The following OVCH2 variants were observed in gnomAD, a reference collection of about 807,000 sequenced individuals.
OVCH2 encodes ovochymase-2.
OVCH2 carries 88 observed loss-of-function variants against 73.7 expected under a neutral mutation model. The observed-to-expected ratio is 1.19, with a 90% CI of 1.01 to 1.43. The LOEUF is 1.43. Ranked by LOEUF, OVCH2 falls within the 40% of genes most tolerant of loss-of-function variation. OVCH2 has a pLI of 0.00. For missense variants in OVCH2, 706 were observed against 674.5 expected (o/e 1.05, Z -0.52); for synonymous variants, 265 against 234.5 (o/e 1.13, Z -1.19).
chr11:7,697,094 T>A, intron 8 of OVCH2: 1 of 380,790 alleles, frequency 2.6e-6, no homozygotes, highest in South Asian at 3.4e-5. Flanking sequence ...TGGAGTGCAG[T>A]GGCACGATCA....
chr11:7,689,888 C>A (rs1176774879), intron 15 of OVCH2, 36 bp downstream of exon 15: 1 of 1,234,256 alleles, frequency 8.1e-7, no homozygotes, highest in East Asian at 2.5e-5. Flanking sequence ...CTGGATTATA[C>A]TCTGTGTGTA....
chr11:7,691,531 T>A, intron 13 of OVCH2, 131 bp from the exon 14 acceptor site: 1 of 1,250,938 alleles, frequency 8.0e-7, no homozygotes, highest in East Asian at 2.6e-5. Flanking sequence ...ATTCATTTTC[T>A]AAATAAAGGC....
In OVCH2 at chr11:7,698,764, C is replaced by G. The variant is rs1856380936; in HGVS notation, c.911G>C (p.Arg304Thr). 6.2e-7 allele frequency: 1 copy of G among 1,612,592 alleles called. No individual in the cohort carries two copies. ...GGGATACCCACCTCTGGAGCTCTTT[C>G]TCCGATTACCTGGGAAAGGAAAAGA... Reference protein sequence around the residue: ...IHEHIQTGNRRKSSRAWCSEQ... With the variant: ...IHEHIQTGNRTKSSRAWCSEQ... Residue 304 changes from arginine (R) to threonine (T), a missense_variant, in exon 8 of 16, where the codon AGA becomes ACA. By Grantham distance (71) the Arg-to-Thr change is moderately conservative. Transcript: ENST00000533663.
rs1417391900 is a variant in OVCH2 at position 7,701,305 on chromosome 11, C to A, written c.711+19G>T. 3.3e-5 allele frequency: 52 copies of A among 1,594,240 alleles called. No homozygotes were observed. Among genetic ancestry groups the A allele is most frequent in the Non-Finnish European group, 4.3e-5 (50 of 1,173,742 alleles). On this transcript the variant is annotated intron_variant, in intron 6 of 15. Transcript: ENST00000533663. ...GGAATCCTTGCCTGGGGCCTGACAG[C>A]CCCGCAGCTCCCACCCACCTGACAT...
the OVCH2 span, among the ~76,000 whole-genome samples, chr11:7,680,725 T>G: frequency 3.9e-5 from 6 of 152,260 alleles, no homozygotes; most frequent in African/African-American, 1.4e-4. Flanking sequence ...TATTTCATAC[T>G]TCTTGCTTCC....
At chr11:7,703,344 C>T (rs2136163411) in intron 3 of OVCH2, among the ~76,000 whole-genome samples, 1 of 152,268 alleles carries the variant, frequency 6.6e-6, no homozygotes, top group Admixed American at 6.5e-5. Context: ...TTATCCATTT[C>T]TTCAGATGCA....
the OVCH2 span, among the ~76,000 whole-genome samples, chr11:7,678,951 CA>C: frequency 3.3e-5 from 5 of 152,196 alleles, no homozygotes; most frequent in South Asian, 6.2e-4. Context: ...AAAAGGCAAA[CA>C]TTTTTTTTAA....
At chr11:7,684,613 C>T (rs1401745745), downstream of OVCH2, among the ~76,000 whole-genome samples, 1 of 151,186 alleles carries the variant, frequency 6.6e-6, no homozygotes, top group African/African-American at 2.4e-5. Context: ...TTCCTAGAAT[C>T]TTAAGTGTAA....
chr11:7,697,797 C>A (rs961924460), intron 8 of OVCH2, among the ~76,000 whole-genome samples: 4 of 152,166 alleles, frequency 2.6e-5, no homozygotes, highest in East Asian at 1.9e-4. Context: ...TGAAGAATTT[C>A]ATACGTCCAT....
intron 12 of OVCH2, among the ~76,000 whole-genome samples, chr11:7,693,178 A>C (rs1300019088): frequency 6.6e-6 from 1 of 152,200 alleles, no homozygotes; most frequent in Non-Finnish European, 1.5e-5. Context: ...TTTAACACAC[A>C]GTTGATGGGG....
the OVCH2 span, among the ~76,000 whole-genome samples, chr11:7,680,393 CTT>C: frequency 6.7e-6 from 1 of 150,244 alleles, no homozygotes; most frequent in African/African-American, 2.4e-5. Flanking sequence ...AGGACAAACA[CTT>C]TTTTTTTTCT....
chr11:7,698,907 G>T, intron 7 of OVCH2, 134 bp from the exon 8 acceptor site: 1 of 726,702 alleles, frequency 1.4e-6, no homozygotes, highest in Non-Finnish European at 2.2e-6. Flanking sequence ...TCTGTGGAAA[G>T]AAGGGAAGGG....
chr11:7,691,667 C>G (rs899876321), intron 13 of OVCH2, among the ~76,000 whole-genome samples: 4 of 152,168 alleles, frequency 2.6e-5, no homozygotes, highest in Admixed American at 6.5e-5. Context: ...CTTTCCCTTT[C>G]TGACTCCTAG....
intron 3 of OVCH2, 51 bp downstream of exon 3, chr11:7,703,647 G>T: frequency 1.4e-6 from 2 of 1,407,222 alleles, no homozygotes; most frequent in South Asian, 1.4e-5. Context: ...ATGATTCCAA[G>T]GGAGAAGAAA....
Position 7,703,787 on chromosome 11 carries a change from TA to T in OVCH2, c.200del (p.Val67AspfsTer3). On this transcript the variant is annotated frameshift_variant and splice_region_variant, in exon 3 of 16. Transcript: ENST00000533663. LOFTEE classifies it high-confidence loss of function. ...QVEKGSYPWQ[V>X]SLKQRQKHIC... ...TATGCTTCTGCCTTTGTTTCAGAGA[TA>T]CCTAAATTGCAAATACCTTAAATGA... The T allele has an allele frequency of 6.2e-7, 1 of 1,603,222 alleles. No individual in the cohort carries two copies. Among genetic ancestry groups the T allele is most frequent in the Non-Finnish European group, 8.5e-7 (1 of 1,174,496 alleles).
chr11:7,692,767 ATGAC>A lies in OVCH2; in HGVS notation c.1414-776_1414-773del, dbSNP rs1158496537. On this transcript the variant is annotated intron_variant, in intron 12 of 15. Coordinates refer to ENST00000533663, the MANE Select transcript of OVCH2 (RefSeq NM_198185.7). Reference sequence around the variant, plus strand: ...GTAGATTATTAAGCTATGATGAGTAATGACCTAGAAAAGAAAGTTGATCACCTGG... The same window carrying A: ...GTAGATTATTAAGCTATGATGAGTAACTAGAAAAGAAAGTTGATCACCTGG... Among the ~76,000 whole-genome samples the A allele has an allele frequency of 5.3e-5, 8 of 152,334 alleles. No homozygotes were observed. In the East Asian group the frequency reaches 1.5e-3, roughly 29 times the overall value.
At chr11:7,700,041 T>C (rs918434255) in intron 7 of OVCH2, 3 of 413,508 alleles carry the variant, frequency 7.3e-6, no homozygotes, top group African/African-American at 4.0e-5. Flanking sequence ...TGAGATAGTT[T>C]CAATTAAAGG....
intron 10 of OVCH2, 133 bp downstream of exon 10, chr11:7,696,332 C>G: frequency 1.5e-6 from 2 of 1,318,816 alleles, no homozygotes; most frequent in Non-Finnish European, 2.1e-6. Context: ...TTCCCACTCC[C>G]AATTCTGAGT....
chr11:7,686,059 G>T (rs1470654511), downstream of OVCH2, among the ~76,000 whole-genome samples: 1 of 152,144 alleles, frequency 6.6e-6, no homozygotes, highest in East Asian at 1.9e-4. Flanking sequence ...TCTTTGTGTG[G>T]CTGAATCAGT....
Sources: allele counts gnomAD v4.1 joint callset (sites outside exome capture counted in the v4.1 genomes callset), GRCh38; gene constraint gnomAD v4.1.1; transcripts MANE v1.5; gene names NCBI Gene and HGNC (gene_info 2026-07-23, HGNC 2026-07-21).